Variants in ZNF420 observed in about 807,000 individuals in gnomAD.
ZNF420 encodes the protein zinc finger protein 420.
A neutral mutation model predicts 44.7 loss-of-function variants in ZNF420; 31 were observed. The ratio of observed to expected loss-of-function variants is 0.69; its 90% confidence interval spans 0.52 to 0.94. ZNF420 has a LOEUF of 0.94. Among genes scored for constraint, ZNF420 ranks in the 40% least tolerant of loss-of-function variants. The pLI is 0.00. For synonymous variants in ZNF420, 245 were observed against 267.4 expected (o/e 0.92, Z 0.82); for missense variants, 681 against 827.9 (o/e 0.82, Z 2.18).
intron 4 of ZNF420, chr19:37,107,024 C>T (rs557539777): frequency 9.9e-5 from 15 of 152,284 alleles, no homozygotes; most frequent in Admixed American, 4.6e-4. Flanking sequence ...TGGTTTTCTC[C>T]TATCTCAGTA....
chr19:37,095,129 C>CAAA (rs57353744), intron 4 of ZNF420, among the ~76,000 whole-genome samples: 2 of 63,394 alleles, frequency 3.2e-5, no homozygotes, highest in African/African-American at 4.7e-5. Flanking sequence ...GACTCTGTCT[C>CAAA]AAAAAAAAAA....
chr19:37,067,734 C>G (rs2146449936), intron 1 of ZNF420, among the ~76,000 whole-genome samples: 1 of 152,020 alleles, frequency 6.6e-6, no homozygotes, highest in East Asian at 1.9e-4. Flanking sequence ...AAAAGTGATG[C>G]AAGAAGGAGA....
At chr19:37,085,711 C>T (rs867217559) in intron 2 of ZNF420, among the ~76,000 whole-genome samples, 2 of 151,928 alleles carry the variant, frequency 1.3e-5, no homozygotes, top group Admixed American at 6.6e-5. Context: ...TCTTAGTATC[C>T]GGTAGTTTTA....
At chr19:37,030,465 A>G (rs981969071) in intron 1 of ZNF420, among the ~76,000 whole-genome samples, 2 of 152,066 alleles carry the variant, frequency 1.3e-5, no homozygotes, top group African/African-American at 4.8e-5. Context: ...CCGGCCTTCT[A>G]TTTCTTTATA....
At chr19:37,048,708 T>C (rs978502995) in intron 1 of ZNF420, among the ~76,000 whole-genome samples, 1 of 152,192 alleles carries the variant, frequency 6.6e-6, no homozygotes, top group African/African-American at 2.4e-5. Context: ...AATTTTTTAA[T>C]TTTTATTTAA....
chr19:37,104,780 G>A (rs1280938265), intron 4 of ZNF420, among the ~76,000 whole-genome samples: 1 of 152,182 alleles, frequency 6.6e-6, no homozygotes, highest in East Asian at 1.9e-4. Context: ...CTGCATATGT[G>A]TCTGTTGGCT....
intron 4 of ZNF420, among the ~76,000 whole-genome samples, chr19:37,112,106 T>A (rs1418834900): frequency 6.6e-6 from 1 of 152,076 alleles, no homozygotes; most frequent in Non-Finnish European, 1.5e-5. Context: ...CAGGTTTTTC[T>A]GTTTTCCAAG....
chr19:37,111,964 TC>T (rs1321333982), intron 4 of ZNF420, among the ~76,000 whole-genome samples: 2 of 152,102 alleles, frequency 1.3e-5, no homozygotes, highest in East Asian at 1.9e-4. Context: ...CTGGATTTTT[TC>T]TGAATTACAA....
chr19:37,025,774 T>C (rs1217815792), intron 1 of ZNF420, among the ~76,000 whole-genome samples: 3 of 63,128 alleles, frequency 4.8e-5, no homozygotes, highest in African/African-American at 2.1e-4. Context: ...ACCTGTCTTT[T>C]TTTTTTTTTT....
chr19:37,059,632 C>A (rs964158435), intron 1 of ZNF420, among the ~76,000 whole-genome samples: 1 of 152,246 alleles, frequency 6.6e-6, no homozygotes, highest in Middle Eastern at 3.4e-3. Context: ...TAGGGTGAGT[C>A]TCCGCAAAAG....
At chr19:37,118,116 C>T (rs1970798005) in intron 4 of ZNF420, among the ~76,000 whole-genome samples, 1 of 152,158 alleles carries the variant, frequency 6.6e-6, no homozygotes, top group Non-Finnish European at 1.5e-5. Flanking sequence ...TCAGGAAATA[C>T]AGAGAACGCC....
chr19:37,079,953 C>T (rs1044365202), intron 1 of ZNF420, among the ~76,000 whole-genome samples: 16 of 152,146 alleles, frequency 1.1e-4, no homozygotes, highest in African/African-American at 3.6e-4. Context: ...AAGATCAAGC[C>T]ACTGCACTCC....
intron 1 of ZNF420, among the ~76,000 whole-genome samples, chr19:37,015,251 C>CT (rs1482075945): frequency 6.6e-6 from 1 of 152,244 alleles, no homozygotes; most frequent in African/African-American, 2.4e-5. Context: ...TGTGGCTCCG[C>CT]TTGGGCTGCG....
chr19:37,013,183 C>T (rs1334047481), intron 1 of ZNF420, among the ~76,000 whole-genome samples: 1 of 152,022 alleles, frequency 6.6e-6, no homozygotes, highest in Admixed American at 6.6e-5. Context: ...GTTTAGGAGC[C>T]GGGCCCATGT....
At chr19:37,101,619 C>G (rs73626570) in intron 4 of ZNF420, among the ~76,000 whole-genome samples, 1,681 of 152,358 alleles carry the variant, frequency 0.011, 33 homozygotes, top group African/African-American at 0.039. Context: ...GAGCCTGTAA[C>G]CACTGCATCC....
chr19:37,100,979 T>C (rs561402828), intron 4 of ZNF420, among the ~76,000 whole-genome samples: 1 of 146,330 alleles, frequency 6.8e-6, no homozygotes, highest in South Asian at 2.2e-4. Flanking sequence ...CTTGCCTCTT[T>C]GGTTAAATTT....
At chr19:37,076,529 C>G (rs952312018), upstream of ZNF420, among the ~76,000 whole-genome samples, 1 of 152,134 alleles carries the variant, frequency 6.6e-6, no homozygotes, top group Admixed American at 6.5e-5. Flanking sequence ...CCCCCTACCC[C>G]CACTCCCTGA....
At chr19:37,018,130 TATC>T (rs2074620907) in intron 1 of ZNF420, among the ~76,000 whole-genome samples, 1 of 152,028 alleles carries the variant, frequency 6.6e-6, no homozygotes, top group African/African-American at 2.4e-5. Flanking sequence ...GAAAACTACA[TATC>T]ATTCCTGAAA....
At position 37,091,287 on chromosome 19, in the gene ZNF420, C is replaced by A. The variant is rs1969128696; in HGVS notation, c.136+166C>A. ...ACATGGTTTCTCAGGGCACCTTTAT[C>A]TTTTCCATCCTTCAAAAAGCCTTAC... On this transcript the variant is annotated intron_variant, in intron 4 of 4. Transcript: ENST00000337995. 10 of 588,164 alleles carry A rather than the reference C, an allele frequency of 1.7e-5. No homozygotes were observed. The South Asian group carries it at 3.0e-4, about 18-fold the overall frequency. The allele number at this position is 588,164 out of a possible 1,614,324, so 36.4% of individuals were successfully genotyped here. A position where few individuals can be genotyped will look rare whatever the true frequency, so the allele number is the denominator to read the frequency against.
Sources: gnomAD v4.1 joint callset for allele counts (sites outside exome capture counted in the v4.1 genomes callset) on GRCh38, gnomAD v4.1.1 for gene constraint, MANE v1.5 for transcripts, NCBI Gene and HGNC (gene_info 2026-07-23, HGNC 2026-07-21) for gene names.